Variants in PPFIBP2 observed in about 807,000 individuals in gnomAD.
The protein encoded by PPFIBP2 is PPFIB scaffold protein 2, also known as liprin-beta-2.
Under a neutral mutation model 118.3 loss-of-function variants are expected in PPFIBP2, and 118 were observed. The ratio of observed to expected loss-of-function variants is 1.00; its 90% CI spans 0.86 to 1.16. PPFIBP2 has a LOEUF of 1.16. Among genes scored for constraint, PPFIBP2 ranks in the 50% most tolerant of loss-of-function variants. PPFIBP2 has a pLI of 0.00. For missense variants in PPFIBP2, 1,195 were observed against 1,073.1 expected (o/e 1.11, Z -1.59); for synonymous variants, 414 against 397.4 (o/e 1.04, Z -0.50).
chr11:7,543,505 C>G (rs549976555), intron 1 of PPFIBP2, among the ~76,000 whole-genome samples: 6 of 152,308 alleles, frequency 3.9e-5, no homozygotes, highest in Admixed American at 2.6e-4. Flanking sequence ...GGTCTTGGCT[C>G]TGGCTCAACT....
intron 22 of PPFIBP2, 44 bp downstream of exon 22, chr11:7,651,009 G>A: frequency 6.3e-7 from 1 of 1,584,504 alleles, no homozygotes; most frequent in Non-Finnish European, 8.6e-7. Flanking sequence ...GGTGCAAATG[G>A]GATATTCAGA....
In PPFIBP2 at chr11:7,641,531, C is replaced by A. The variant is rs747121074; in HGVS notation, c.1428C>A (p.Ser476=). ...DDTAVVNDLS[S]TSSGTESGPQ... ...CTGCTGTGGTCAATGACCTCTCATC[C>A]ACATCATCGGGCACTGAATCAGGTC... Residue 476 remains serine (S), a synonymous_variant, in exon 16 of 24, where the codon TCC becomes TCA. Transcript: ENST00000299492. The A allele has an allele frequency of 8.9e-5, 144 of 1,613,552 alleles. No homozygotes were observed. The highest frequency in any genetic ancestry group is 1.1e-4 in the Non-Finnish European group (129 of 1,179,518).
intron 3 of PPFIBP2, among the ~76,000 whole-genome samples, chr11:7,589,614 A>AC (rs1334129561): frequency 2.6e-5 from 4 of 151,962 alleles, no homozygotes; most frequent in Admixed American, 2.6e-4. Flanking sequence ...CCCCTCCCAA[A>AC]AAAAAAAAAA....
chr11:7,584,691 T>A (rs1201905844), intron 3 of PPFIBP2, among the ~76,000 whole-genome samples: 1 of 152,144 alleles, frequency 6.6e-6, no homozygotes, highest in African/African-American at 2.4e-5. Flanking sequence ...GTAACCAGAG[T>A]CCTGTAACAG....
At chr11:7,607,101 G>T (rs971806354) in intron 5 of PPFIBP2, among the ~76,000 whole-genome samples, 12 of 150,564 alleles carry the variant, frequency 8.0e-5, no homozygotes, top group African/African-American at 2.9e-4. Flanking sequence ...TAGTAGAGAC[G>T]GGGTTTCACC....
At chr11:7,566,611 C>T (rs1247095714) in intron 3 of PPFIBP2, among the ~76,000 whole-genome samples, 1 of 152,180 alleles carries the variant, frequency 6.6e-6, no homozygotes, top group African/African-American at 2.4e-5. Flanking sequence ...AAACAATCCA[C>T]CCACCTCGGC....
chr11:7,538,417 C>T (rs1255304775), intron 1 of PPFIBP2: 1 of 152,708 alleles, frequency 6.5e-6, no homozygotes, highest in Non-Finnish European at 1.5e-5. Flanking sequence ...AGCTTTCTGA[C>T]TGAATGCCCT....
At chr11:7,661,154 C>A (rs999499726), downstream of PPFIBP2, among the ~76,000 whole-genome samples, 4 of 150,810 alleles carry the variant, frequency 2.7e-5, no homozygotes, top group Admixed American at 6.6e-5. Context: ...TCCTTCAGTT[C>A]TGCTCTGATT....
At chr11:7,554,587 ATCC>A (rs1853366577) in intron 2 of PPFIBP2, among the ~76,000 whole-genome samples, 1 of 152,164 alleles carries the variant, frequency 6.6e-6, no homozygotes, top group African/African-American at 2.4e-5. Context: ...CTGAGAGGAC[ATCC>A]TAATGCGCAA....
intron 23 of PPFIBP2, among the ~76,000 whole-genome samples, chr11:7,652,401 C>T (rs1001709815): frequency 3.9e-5 from 6 of 152,246 alleles, no homozygotes; most frequent in African/African-American, 1.4e-4. Flanking sequence ...CCACAGCATC[C>T]TCAGACCACA....
downstream of PPFIBP2, among the ~76,000 whole-genome samples, chr11:7,659,115 T>C (rs1169270508): frequency 4.7e-5 from 7 of 148,984 alleles, no homozygotes; most frequent in South Asian, 1.3e-3. Context: ...CTGATGGTAG[T>C]TTCCTTTTGC....
chr11:7,575,905 C>T (rs551016360), intron 3 of PPFIBP2, among the ~76,000 whole-genome samples: 1 of 152,200 alleles, frequency 6.6e-6, no homozygotes, highest in Non-Finnish European at 1.5e-5. Flanking sequence ...GCAGCAAAGC[C>T]TGCTTTTCCT....
intron 3 of PPFIBP2, among the ~76,000 whole-genome samples, chr11:7,582,453 G>A (rs1338832809): frequency 6.6e-6 from 1 of 152,128 alleles, no homozygotes; most frequent in Non-Finnish European, 1.5e-5. Context: ...TGTAACTCCT[G>A]CCAGCTCCTT....
Position 7,629,410 on chromosome 11 carries a change from TG to T in PPFIBP2, c.889-48del, listed in dbSNP as rs1404527381. ...GCGTGGGTTCCAAAATGAAATCATC[TG>T]AGATGCCAGCATAGCATTAATCTAA... On this transcript the variant is annotated intron_variant, in intron 9 of 23. Coordinates refer to ENST00000299492, the MANE Select transcript of PPFIBP2 (RefSeq NM_003621.5). 4 of 1,563,294 alleles carry T rather than the reference TG, an allele frequency of 2.6e-6. No homozygotes were observed. In the East Asian group the frequency reaches 9.0e-5, roughly 35 times the overall value.
In PPFIBP2 at chr11:7,616,951, G is replaced by C. The variant is rs1848723870; in HGVS notation, c.619-3984G>C. On this transcript the variant is annotated intron_variant, in intron 6 of 23. Transcript: ENST00000299492. The surrounding 1 kb of genome is among the most constrained non-coding windows in gnomAD (Gnocchi z 5.2). ...CCTGAGGAAAAATGCCATGTCTTTT[G>C]GTTCTGTTGTGGAAAGTGGAGGGCC... is the stretch of plus-strand genomic sequence containing the variant. Among the ~76,000 whole-genome samples the C allele has an allele frequency of 6.6e-6, 1 of 152,080 alleles. No homozygotes were observed. The highest frequency in any genetic ancestry group is 2.4e-5 in the African/African-American group (1 of 41,426).
chr11:7,597,811 G>A (rs748003599), intron 5 of PPFIBP2, 138 bp downstream of exon 5: 2 of 672,326 alleles, frequency 3.0e-6, no homozygotes, highest in Non-Finnish European at 5.1e-6. Context: ...CAGTTGTACG[G>A]TGTTTATACA....
chr11:7,524,843 C>T (rs1206908200), intron 1 of PPFIBP2, among the ~76,000 whole-genome samples: 1 of 152,124 alleles, frequency 6.6e-6, no homozygotes, highest in Non-Finnish European at 1.5e-5. Flanking sequence ...TTCACCAAGG[C>T]AGAGGAATAG....
At chr11:7,597,943 C>T (rs1236546277) in intron 5 of PPFIBP2, 1 of 378,402 alleles carries the variant, frequency 2.6e-6, no homozygotes, top group African/African-American at 2.0e-5. Context: ...TTCTCCAGAC[C>T]TGGTGCAGTG....
At chr11:7,633,503 C>T (rs1851051716) in intron 12 of PPFIBP2, among the ~76,000 whole-genome samples, 1 of 152,136 alleles carries the variant, frequency 6.6e-6, no homozygotes, top group South Asian at 2.1e-4. Flanking sequence ...AAATTGAGCC[C>T]CATGTAAGGG....
Sources: allele counts gnomAD v4.1 joint callset (sites outside exome capture counted in the v4.1 genomes callset), GRCh38; gene constraint gnomAD v4.1.1; non-coding constraint Gnocchi (gnomAD v3.1); transcripts MANE v1.5; gene names NCBI Gene and HGNC (gene_info 2026-07-23, HGNC 2026-07-21).